CLIC6: variants seen among roughly 807,000 people sequenced by gnomAD.
The protein encoded by CLIC6 is chloride intracellular channel protein 6.
CLIC6 carries 39 observed loss-of-function variants against 49.2 expected under a neutral mutation model. That is an observed-to-expected ratio of 0.79 (90% CI 0.61 to 1.04). The LOEUF is 1.04. Among genes scored for constraint, CLIC6 ranks in the 50% least tolerant of loss-of-function variants. The probability of loss-of-function intolerance (pLI) is 0.00; values close to 1 mark genes in which losing one functional copy is unlikely to be tolerated. For missense variants in CLIC6, 988 were observed against 993.1 expected (o/e 0.99, Z 0.07); for synonymous variants, 446 against 433.4 (o/e 1.03, Z -0.36).
chr21:34,697,591 C>T (rs539850132), intron 1 of CLIC6, among the ~76,000 whole-genome samples: 1 of 152,204 alleles, frequency 6.6e-6, no homozygotes, highest in Non-Finnish European at 1.5e-5. Context: ...AATGGTATTT[C>T]CCCATCTAAA....
At chr21:34,673,720 A>G (rs1989612738) in intron 1 of CLIC6, among the ~76,000 whole-genome samples, 1 of 152,270 alleles carries the variant, frequency 6.6e-6, no homozygotes, top group South Asian at 2.1e-4. Context: ...AAAGACAGAC[A>G]TCAAAGCAAA....
intron 1 of CLIC6, among the ~76,000 whole-genome samples, chr21:34,678,404 A>G (rs1463522917): frequency 1.3e-5 from 2 of 151,906 alleles, no homozygotes; most frequent in African/African-American, 2.4e-5. Context: ...ATTGCACTCC[A>G]GCCTGGGCAA....
rs1219787561 is a variant in CLIC6, at chr21:34,669,907, G to C, written c.519G>C (p.Glu173Asp). 7.6e-7 allele frequency: 1 copy of C among 1,318,740 alleles called. No homozygotes were observed. Among genetic ancestry groups the C allele is most frequent in the Non-Finnish European group, 9.7e-7 (1 of 1,033,250 alleles). 81.7% of individuals were successfully genotyped at this position (1,318,740 alleles called of 1,614,324 possible). A position where few individuals can be genotyped will look rare whatever the true frequency, so the allele number is the denominator to read the frequency against. The change falls in exon 1 of 6, where the codon GAG (glutamate) becomes GAC (aspartate). Residue 173 changes from glutamate (E) to aspartate (D), a missense_variant. This residue lies in a region of CLIC6 where 284 missense variants were observed against 278.6 expected (regional missense o/e 1.02). Transcript: ENST00000349499. The stretch of plus-strand genomic sequence containing the variant: ...CGCTGGGGGACAACATAGAAGCGGA[G>C]GGCCCGGCGGGCGACAGCGTAGAGG... Reference protein sequence around the residue: ...EGPLGDNIEAEGPAGDSVEAE... With the variant: ...EGPLGDNIEADGPAGDSVEAE...
intron 1 of CLIC6, among the ~76,000 whole-genome samples, chr21:34,696,125 G>A (rs886912777): frequency 1.3e-5 from 2 of 152,178 alleles, no homozygotes; most frequent in African/African-American, 2.4e-5. Flanking sequence ...GTCATCTGGA[G>A]TTGTAGCAAG....
chr21:34,686,075 C>T (rs1012870922), intron 1 of CLIC6, among the ~76,000 whole-genome samples: 2 of 152,204 alleles, frequency 1.3e-5, no homozygotes, highest in Non-Finnish European at 2.9e-5. Flanking sequence ...TAGTAAATAA[C>T]TAAAATGCTC....
chr21:34,693,976 T>TC (rs1491301547), intron 1 of CLIC6, among the ~76,000 whole-genome samples: 3 of 54,950 alleles, frequency 5.5e-5, no homozygotes, highest in Non-Finnish European at 7.5e-5. Context: ...TGTTGTTTTC[T>TC]TTTTTTTTTT....
intron 3 of CLIC6, 76 bp from the exon 4 acceptor site, chr21:34,708,624 G>A (rs914545758): frequency 2.0e-6 from 2 of 995,650 alleles, no homozygotes; most frequent in South Asian, 2.9e-5. Flanking sequence ...AGAGAAAGCT[G>A]TTTTTCTCCA....
rs1568970530 is a variant in CLIC6, at chr21:34,708,653, AC to A, written c.1611-46del. On this transcript the variant is annotated intron_variant, in intron 3 of 5. Transcript: ENST00000349499. The stretch of plus-strand genomic sequence containing the variant: ...TTCTCCATTGTATAGTATTATCTTC[AC>A]TAAAACATCACTTGTCTGTGATCCT... The A allele has an allele frequency of 1.5e-6, 2 of 1,309,506 alleles. 1 individual carries two copies. Among genetic ancestry groups the A allele is most frequent in the South Asian group, 2.4e-5 (2 of 83,410 alleles). The allele number at this position is 1,309,506 out of a possible 1,614,324, so 81.1% of individuals were successfully genotyped here. A position where few individuals can be genotyped will look rare whatever the true frequency, so the allele number is the denominator to read the frequency against.
At chr21:34,707,219 T>C (rs2056020518) in intron 1 of CLIC6, 61 bp from the exon 2 acceptor site, 9 of 1,201,108 alleles carry the variant, frequency 7.5e-6, no homozygotes, top group South Asian at 1.2e-5. Flanking sequence ...GTGCATGTTG[T>C]GGTGTTGGCA....
At chr21:34,707,907 C>T (rs199984431) in intron 2 of CLIC6, 37 bp from the exon 3 acceptor site, 39 of 1,610,884 alleles carry the variant, frequency 2.4e-5, no homozygotes, top group Admixed American at 8.4e-5. Context: ...CAGATTCTCA[C>T]GGTGGCCCAT....
In CLIC6 at chr21:34,707,354, C is replaced by A; in HGVS notation, c.1449C>A (p.Gly483=). 1.9e-6 allele frequency: 3 copies of A among 1,613,408 alleles called. No homozygotes were observed. Among genetic ancestry groups the A allele is most frequent in the Non-Finnish European group, 2.5e-6 (3 of 1,179,712 alleles). ...TCTTTATGATTCTCTGGCTGAAAGG[C>A]GTTATATTTAATGTGACCACAGTGG... is the stretch of plus-strand genomic sequence containing the variant. ...QRLFMILWLK[G]VIFNVTTVDL... is the part of the protein sequence containing the mutation. Residue 483 remains glycine (G), a synonymous_variant, in exon 2 of 6, where the codon GGC becomes GGA. Transcript: ENST00000349499.
Position 34,708,018 on chromosome 21 carries a change from C to T in CLIC6, c.1559C>T (p.Thr520Met), listed in dbSNP as rs374436284. 88 of 1,614,050 alleles carry T rather than the reference C, an allele frequency of 5.5e-5. No homozygotes were observed. The African/African-American group carries it at 5.5e-4, about 10-fold the overall frequency. The change falls in exon 3 of 6, where the codon ACG (threonine) becomes ATG (methionine). Residue 520 changes from threonine (T) to methionine (M), a missense_variant. Around this residue, in one of 3 missense-constraint regions of CLIC6, gnomAD observed 647 missense variants for 596.9 expected, o/e 1.08. Transcript: ENST00000349499. The stretch of plus-strand genomic sequence containing the variant: ...ATGACTTTTGATGGTGAAGTCAAGA[C>T]GGATGTGAATAAGATCGAGGAGTTC... ...PFMTFDGEVKTDVNKIEEFLE... is the reference protein window; with the variant it reads ...PFMTFDGEVKMDVNKIEEFLE...
At chr21:34,675,083 C>A (rs1473504805) in intron 1 of CLIC6, among the ~76,000 whole-genome samples, 1 of 152,050 alleles carries the variant, frequency 6.6e-6, no homozygotes, top group Non-Finnish European at 1.5e-5. Context: ...TTAGACACCA[C>A]CTGTTTACTT....
At chr21:34,698,953 A>G (rs1418951515) in intron 1 of CLIC6, among the ~76,000 whole-genome samples, 1 of 152,194 alleles carries the variant, frequency 6.6e-6, no homozygotes, top group Non-Finnish European at 1.5e-5. Flanking sequence ...ATGATCAGGT[A>G]AAGGGTAGGG....
chr21:34,684,114 C>T (rs1989831630), intron 1 of CLIC6, among the ~76,000 whole-genome samples: 1 of 151,554 alleles, frequency 6.6e-6, no homozygotes, highest in African/African-American at 2.4e-5. Context: ...TTCACACTAC[C>T]AAGTGCTGTT....
chr21:34,673,436 T>C lies in CLIC6; in HGVS notation c.1374+2674T>C, dbSNP rs544335950. ...TCCTGAGTCGCTGAGACTACAGGCA[T>C]GCGCCACCACGTCTGGCTAATTGTT... On this transcript the variant is annotated intron_variant, in intron 1 of 5. Transcript: ENST00000349499. 5.9e-5 allele frequency among the ~76,000 whole-genome samples: 9 copies of C among 152,170 alleles called. No homozygotes were observed. In the South Asian group the frequency reaches 6.2e-4, roughly 11 times the overall value.
intron 1 of CLIC6, among the ~76,000 whole-genome samples, chr21:34,698,929 T>A (rs1011326721): frequency 6.6e-6 from 1 of 152,168 alleles, no homozygotes; most frequent in Non-Finnish European, 1.5e-5. Flanking sequence ...AACGCTGTGC[T>A]GGGCAAGAGA....
chr21:34,676,517 T>C (rs1315731949), intron 1 of CLIC6, among the ~76,000 whole-genome samples: 1 of 152,220 alleles, frequency 6.6e-6, no homozygotes, highest in Admixed American at 6.5e-5. Context: ...AAGCCTGCAC[T>C]GCAAAGACCA....
chr21:34,670,921 TCCC>T (rs1989551741), intron 1 of CLIC6, among the ~76,000 whole-genome samples, 159 bp downstream of exon 1: 1 of 151,470 alleles, frequency 6.6e-6, no homozygotes, highest in Admixed American at 6.6e-5. Flanking sequence ...AGCCGGGATT[TCCC>T]GGAGAAGAGT....
Sources: allele counts gnomAD v4.1 joint callset (sites outside exome capture counted in the v4.1 genomes callset), GRCh38; gene constraint gnomAD v4.1.1; regional missense constraint gnomAD v4.1.1; transcripts MANE v1.5; gene names NCBI Gene and HGNC (gene_info 2026-07-23, HGNC 2026-07-21).